Variants in AGMO observed in about 807,000 individuals in gnomAD.
AGMO encodes glyceryl-ether monooxygenase.
In AGMO, 75 loss-of-function variants were observed where a neutral mutation model predicts 60.2. That is an observed-to-expected ratio of 1.25 (90% CI 1.03 to 1.51). The LOEUF (loss-of-function observed/expected upper bound fraction) is 1.51. Among genes scored for constraint, AGMO ranks in the 40% most tolerant of loss-of-function variants. The pLI, the probability that AGMO is intolerant of heterozygous loss-of-function variation, is 0.00. For missense variants in AGMO, 763 were observed against 525.5 expected (o/e 1.45, Z -4.42); for synonymous variants, 261 against 177.1 (o/e 1.47, Z -3.76).
rs554636215 is a variant in AGMO, at chr7:15,406,484, T to C, written c.609+12074A>G. ...ACGTATACACATATATGTATATGTA[T>C]ATGTGATCCTAAAATTGTTAGTGAC... On this transcript the variant is annotated intron_variant, in intron 5 of 12. Transcript: ENST00000342526. Among the ~76,000 whole-genome samples the C allele has an allele frequency of 3.9e-3, 483 of 123,610 alleles. 6 individuals carry two copies. The highest frequency in any genetic ancestry group is 0.014 in the African/African-American group (453 of 32,532). 81.1% of individuals were successfully genotyped at this position (123,610 alleles called of 152,430 possible).
At chr7:15,118,034 A>G in the AGMO span, among the ~76,000 whole-genome samples, 1 of 152,114 alleles carries the variant, frequency 6.6e-6, no homozygotes, top group East Asian at 1.9e-4. Flanking sequence ...ATACAAAAGA[A>G]ATTTTCTTAT....
intron 3 of AGMO, among the ~76,000 whole-genome samples, chr7:15,476,844 A>G (rs1449318231): frequency 2.0e-5 from 3 of 152,088 alleles, no homozygotes; most frequent in Non-Finnish European, 2.9e-5. Context: ...CTCTGAGGCT[A>G]ATTTTATTAT....
At chr7:15,120,944 G>T in the AGMO span, among the ~76,000 whole-genome samples, 2 of 151,894 alleles carry the variant, frequency 1.3e-5, no homozygotes, top group African/African-American at 2.4e-5. Context: ...CATGCATTAG[G>T]TATTTGTCCT....
At chr7:15,368,960 C>T (rs1045980455) in intron 10 of AGMO, among the ~76,000 whole-genome samples, 4 of 152,120 alleles carry the variant, frequency 2.6e-5, no homozygotes, top group Admixed American at 1.3e-4. Flanking sequence ...ATGACTAAAA[C>T]ACTGCCTTTG....
intron 8 of AGMO, among the ~76,000 whole-genome samples, chr7:15,388,481 T>A (rs967769118): frequency 6.6e-6 from 1 of 152,234 alleles, no homozygotes; most frequent in Non-Finnish European, 1.5e-5. Flanking sequence ...ATTAATATAC[T>A]TAATTTGTTT....
chr7:15,512,867 T>C (rs1007169775), intron 3 of AGMO, among the ~76,000 whole-genome samples: 2 of 152,212 alleles, frequency 1.3e-5, no homozygotes, highest in Admixed American at 1.3e-4. Flanking sequence ...CTATATTTTG[T>C]ATAGTTTCTT....
chr7:15,255,879 T>TA (rs1171647872), intron 12 of AGMO, among the ~76,000 whole-genome samples: 1 of 152,056 alleles, frequency 6.6e-6, no homozygotes, highest in Non-Finnish European at 1.5e-5. Flanking sequence ...CATGATGAAA[T>TA]AAAGACAGCA....
chr7:15,397,981 T>G (rs1583509291), intron 5 of AGMO, among the ~76,000 whole-genome samples: 1 of 152,230 alleles, frequency 6.6e-6, no homozygotes, highest in East Asian at 1.9e-4. Flanking sequence ...AACAAGAAAG[T>G]GGGGGATCCT....
chr7:15,321,874 C>T (rs887301246), intron 12 of AGMO, among the ~76,000 whole-genome samples: 2 of 152,042 alleles, frequency 1.3e-5, no homozygotes. Context: ...CAGACTCACT[C>T]TTCAGAGCCC....
At chr7:15,485,378 A>G (rs1433985618) in intron 3 of AGMO, among the ~76,000 whole-genome samples, 1 of 152,128 alleles carries the variant, frequency 6.6e-6, no homozygotes, top group Non-Finnish European at 1.5e-5. Flanking sequence ...TGAGAAGAGT[A>G]AATGAAGAGA....
intron 3 of AGMO, among the ~76,000 whole-genome samples, chr7:15,530,424 ACG>A (rs1784274369): frequency 7.5e-6 from 1 of 132,686 alleles, no homozygotes; most frequent in Non-Finnish European, 1.6e-5. Context: ...TATTCTAAAT[ACG>A]TATTTCTATA....
intron 12 of AGMO, among the ~76,000 whole-genome samples, chr7:15,250,709 G>T (rs975879396): frequency 2.0e-5 from 3 of 152,132 alleles, no homozygotes; most frequent in African/African-American, 7.2e-5. Context: ...GGAAGCTGAG[G>T]CAGGTGGATC....
At chr7:15,531,108 ATATATATTC>A (rs1278578961) in intron 3 of AGMO, among the ~76,000 whole-genome samples, 2,176 of 24,588 alleles carry the variant, frequency 0.088, 402 homozygotes, top group East Asian at 0.33. Context: ...TATATATTCT[ATATATATTC>A]TATATATATT....
chr7:15,366,103 G>T (rs758940891), intron 11 of AGMO, 37 bp downstream of exon 11: 1 of 1,506,540 alleles, frequency 6.6e-7, no homozygotes, highest in Non-Finnish European at 9.1e-7. Flanking sequence ...CTTGAATTGA[G>T]TAAAAGTAAA....
chr7:15,218,973 A>G (rs1781833099), intron 12 of AGMO, among the ~76,000 whole-genome samples: 1 of 152,236 alleles, frequency 6.6e-6, no homozygotes. Context: ...AAAAGTTAAA[A>G]TATGTAATAT....
intron 4 of AGMO, among the ~76,000 whole-genome samples, chr7:15,425,983 CAGTT>C (rs1781052173): frequency 6.6e-6 from 1 of 152,100 alleles, no homozygotes; most frequent in Non-Finnish European, 1.5e-5. Context: ...TCTTTGAAAG[CAGTT>C]AGCTCACTAT....
chr7:15,204,682 G>C (rs1457220697), intron 12 of AGMO, among the ~76,000 whole-genome samples: 2 of 152,076 alleles, frequency 1.3e-5, no homozygotes, highest in Non-Finnish European at 2.9e-5. Flanking sequence ...GACTTCCCAG[G>C]AACCTCAACT....
intron 3 of AGMO, among the ~76,000 whole-genome samples, chr7:15,524,521 C>T (rs1042626991): frequency 2.0e-5 from 3 of 151,964 alleles, no homozygotes; most frequent in Admixed American, 1.3e-4. Context: ...TTTGTATTTT[C>T]CTTACTTTAT....
At chr7:15,337,706 C>G (rs191687415) in intron 12 of AGMO, among the ~76,000 whole-genome samples, 1 of 152,200 alleles carries the variant, frequency 6.6e-6, no homozygotes, top group African/African-American at 2.4e-5. Flanking sequence ...AAAGCAGCAT[C>G]AGTCAAGGGG....
Sources: gnomAD v4.1 joint callset for allele counts (sites outside exome capture counted in the v4.1 genomes callset) on GRCh38, gnomAD v4.1.1 for gene constraint, MANE v1.5 for transcripts, NCBI Gene and HGNC (gene_info 2026-07-23, HGNC 2026-07-21) for gene names.